KCNG3: variants seen among roughly 807,000 people sequenced by gnomAD.
KCNG3 encodes voltage-gated potassium channel regulatory subunit KCNG3.
A neutral mutation model predicts 29.0 loss-of-function variants in KCNG3; 15 were observed. The ratio of observed to expected loss-of-function variants is 0.52; its 90% CI spans 0.35 to 0.80. The LOEUF (loss-of-function observed/expected upper bound fraction) is 0.80, where lower values mean the gene tolerates loss of function less well. Among genes scored for constraint, KCNG3 ranks in the 30% least tolerant of loss-of-function variants. KCNG3 has a pLI of 0.01. For synonymous variants in KCNG3, 322 were observed against 248.9 expected, an observed-to-expected ratio of 1.29 and a Z score of -2.76; for missense variants, 512 against 605.7, an observed-to-expected ratio of 0.85 and a Z score of 1.62.
At chr2:42,477,427 ATTTTTTTT>A (rs768215543) in intron 1 of KCNG3, among the ~76,000 whole-genome samples, 25,999 of 108,614 alleles carry the variant, frequency 0.24, 3,717 homozygotes, top group East Asian at 0.42. Context: ...ACACACATAT[ATTTTTTTT>A]TTTTTTTTTT....
chr2:42,447,565 G>C (rs1460585084), intron 1 of KCNG3, among the ~76,000 whole-genome samples: 1 of 151,786 alleles, frequency 6.6e-6, no homozygotes, highest in Non-Finnish European at 1.5e-5. Context: ...AACCATGCTG[G>C]AGTGCAGTGG....
chr2:42,395,276 T>G, the KCNG3 span, among the ~76,000 whole-genome samples: 3 of 152,030 alleles, frequency 2.0e-5, no homozygotes, highest in Non-Finnish European at 2.9e-5. Context: ...TCCAAGAAAG[T>G]TGAGTGATAA....
chr2:42,465,159 A>T (rs1331483965), intron 1 of KCNG3, among the ~76,000 whole-genome samples: 1 of 152,174 alleles, frequency 6.6e-6, no homozygotes, highest in Non-Finnish European at 1.5e-5. Flanking sequence ...GTAGTACTAA[A>T]TTTAAAAGTG....
At chr2:42,475,317 CTG>C (rs1393696368) in intron 1 of KCNG3, among the ~76,000 whole-genome samples, 3 of 134,668 alleles carry the variant, frequency 2.2e-5, no homozygotes, top group Non-Finnish European at 4.6e-5. Flanking sequence ...GAACAAGCCT[CTG>C]TCTCTTTTTT....
rs185731491 is a variant in KCNG3 at position 42,473,156 on chromosome 2, A to G, written c.665+19681T>C. 3.7e-3 allele frequency among the ~76,000 whole-genome samples: 560 copies of G among 152,010 alleles called. 5 individuals are homozygous for G. The highest frequency in any genetic ancestry group is 0.012 in the African/African-American group (496 of 41,502). On this transcript the variant is annotated intron_variant, in intron 1 of 1. Transcript: ENST00000306078. Reference sequence around the variant, plus strand: ...CATGATCCACCTGCCTCGGCCTCCCAAAGTGCTGAGATTACAGGTGTGAGC... The same window carrying G: ...CATGATCCACCTGCCTCGGCCTCCCGAAGTGCTGAGATTACAGGTGTGAGC...
intron 1 of KCNG3, among the ~76,000 whole-genome samples, chr2:42,469,235 G>A (rs1191066073): frequency 6.6e-6 from 1 of 151,846 alleles, no homozygotes; most frequent in East Asian, 1.9e-4. Context: ...TGGCCAACAT[G>A]GGGAAACCCC....
chr2:42,399,166 C>T, the KCNG3 span, among the ~76,000 whole-genome samples: 9 of 151,062 alleles, frequency 6.0e-5, no homozygotes, highest in Admixed American at 5.3e-4. Context: ...AAGTGATCCT[C>T]CCACTTCAGG....
At chr2:42,491,598 G>A (rs1673878109) in intron 1 of KCNG3, among the ~76,000 whole-genome samples, 1 of 152,098 alleles carries the variant, frequency 6.6e-6, no homozygotes, top group African/African-American at 2.4e-5. Context: ...ATTCAAAACT[G>A]TTAGAACCTA....
At position 42,487,259 on chromosome 2, in the gene KCNG3, T is replaced by C. The variant is rs568404932; in HGVS notation, c.665+5578A>G. Among the ~76,000 whole-genome samples the C allele has an allele frequency of 1.4e-3, 208 of 151,910 alleles. 1 individual carries two copies. The highest frequency in any genetic ancestry group is 4.8e-3 in the African/African-American group (200 of 41,464). On this transcript the variant is annotated intron_variant, in intron 1 of 1. Transcript: ENST00000306078. ...GCAGCTACTATGTTTTAGGCAATTG[T>C]AGTTGTCTTTTAATGGGGTCCTAAA...
Position 42,478,231 on chromosome 2 carries a change from T to A in KCNG3, c.665+14606A>T, listed in dbSNP as rs188452765. ...ACATCTATCTATATTTATCATATTA[T>A]ATATTAAACTAGAATTTTTTTTGAG... On this transcript the variant is annotated intron_variant, in intron 1 of 1. Coordinates refer to ENST00000306078, the MANE Select transcript of KCNG3 (RefSeq NM_133329.6). 1.6e-3 allele frequency among the ~76,000 whole-genome samples: 238 copies of A among 152,258 alleles called. 2 individuals are homozygous for A. Among genetic ancestry groups the A allele is most frequent in the Non-Finnish European group, 1.9e-3 (128 of 68,032 alleles).
downstream of KCNG3, among the ~76,000 whole-genome samples, chr2:42,440,682 C>T (rs1379854379): frequency 6.6e-6 from 1 of 152,152 alleles, no homozygotes; most frequent in Non-Finnish European, 1.5e-5. Flanking sequence ...AAAGTATGAA[C>T]TTACAAATGG....
At chr2:42,460,897 C>A (rs1672998771) in intron 1 of KCNG3, among the ~76,000 whole-genome samples, 1 of 152,064 alleles carries the variant, frequency 6.6e-6, no homozygotes, top group South Asian at 2.1e-4. Context: ...CGCGGTGGCT[C>A]ATATCTGTAA....
At chr2:42,483,318 A>G (rs528602757) in intron 1 of KCNG3, among the ~76,000 whole-genome samples, 1 of 152,342 alleles carries the variant, frequency 6.6e-6, no homozygotes, top group South Asian at 2.1e-4. Context: ...GTATCTATCA[A>G]AAAATGTTTA....
At chr2:42,418,018 T>A in the KCNG3 span, among the ~76,000 whole-genome samples, 2 of 151,492 alleles carry the variant, frequency 1.3e-5, no homozygotes, top group African/African-American at 2.4e-5. Context: ...ATAAATAAAA[T>A]ATATATATAC....
At chr2:42,464,066 C>A in intron 1 of KCNG3, 1 of 213,618 alleles carries the variant, frequency 4.7e-6, no homozygotes, top group South Asian at 6.0e-5. Context: ...GCAGCGGGGG[C>A]TGCCTCAACA....
At chr2:42,428,528 T>C in the KCNG3 span, among the ~76,000 whole-genome samples, 2 of 150,336 alleles carry the variant, frequency 1.3e-5, no homozygotes, top group Non-Finnish European at 3.0e-5. Flanking sequence ...TACCAAACTC[T>C]CAGTGACATT....
chr2:42,438,720 T>C (rs1165964728), downstream of KCNG3, among the ~76,000 whole-genome samples: 1 of 152,178 alleles, frequency 6.6e-6, no homozygotes, highest in Admixed American at 6.5e-5. Flanking sequence ...TCTAGAAAAA[T>C]CTGAAAGTTT....
the KCNG3 span, among the ~76,000 whole-genome samples, chr2:42,408,959 T>C: frequency 1.3e-5 from 2 of 152,108 alleles, no homozygotes; most frequent in Admixed American, 1.3e-4. Context: ...ATGCAAGCCA[T>C]GGAATCTGCT....
chr2:42,438,392 T>G (rs948253979), downstream of KCNG3, among the ~76,000 whole-genome samples: 7 of 152,190 alleles, frequency 4.6e-5, no homozygotes, highest in Admixed American at 6.5e-5. Context: ...AGTTTTAATA[T>G]AATGCTGCAT....
Sources: gnomAD v4.1 joint callset for allele counts (sites outside exome capture counted in the v4.1 genomes callset) on GRCh38, gnomAD v4.1.1 for gene constraint, MANE v1.5 for transcripts, NCBI Gene and HGNC (gene_info 2026-07-23, HGNC 2026-07-21) for gene names.